P2RX1: variants seen among roughly 807,000 people sequenced by gnomAD.
P2RX1 encodes P2X purinoceptor 1.
In P2RX1, 42 loss-of-function variants were observed where a neutral mutation model predicts 50.3. The observed-to-expected ratio is 0.83, with a 90% CI of 0.65 to 1.08. P2RX1 has a LOEUF of 1.08. P2RX1 is among the 50% of genes least tolerant of loss of function. The probability of loss-of-function intolerance (pLI) is 0.00; values close to 1 mark genes in which losing one functional copy is unlikely to be tolerated. For synonymous variants in P2RX1, 199 were observed against 202.6 expected, an observed-to-expected ratio of 0.98 and a Z score of 0.15; for missense variants, 449 against 529.0, an observed-to-expected ratio of 0.85 and a Z score of 1.48.
intron 1 of P2RX1, 178 bp downstream of exon 1, chr17:3,915,911 C>T (rs2052398197): frequency 1.2e-6 from 1 of 805,302 alleles, no homozygotes; most frequent in Non-Finnish European, 2.1e-6. Context: ...CCGGCCTCGT[C>T]CCCATCTCAA....
intron 1 of P2RX1, among the ~76,000 whole-genome samples, chr17:3,912,515 GA>G (rs1366366117): frequency 3.9e-5 from 6 of 152,148 alleles, no homozygotes; most frequent in Non-Finnish European, 8.8e-5. Context: ...ATTTTTAGTA[GA>G]GATGGGTTTT....
chr17:3,900,897 A>C (rs916832575), intron 7 of P2RX1, among the ~76,000 whole-genome samples: 3 of 152,150 alleles, frequency 2.0e-5, no homozygotes, highest in Non-Finnish European at 2.9e-5. Flanking sequence ...TTGGGAAGAA[A>C]ACATTGGAGA....
At position 3,903,179 on chromosome 17, in the gene P2RX1, G is replaced by T. The variant is rs371813612; in HGVS notation, c.747+23C>A. 3 of 1,613,810 alleles carry T rather than the reference G, an allele frequency of 1.9e-6. No individual in the cohort carries two copies. The highest frequency in any genetic ancestry group is 2.5e-6 in the Non-Finnish European group (3 of 1,179,998). ...GATCCTGCGGCCCAGCCCTCCCCAC[G>T]TGCCTGGCACCATGCTCCATACCTT... is the stretch of plus-strand genomic sequence containing the variant. On this transcript the variant is annotated intron_variant, in intron 7 of 11. Coordinates refer to ENST00000225538, the MANE Select transcript of P2RX1 (RefSeq NM_002558.4). The surrounding 1 kb of genome is among the most constrained non-coding windows in gnomAD (Gnocchi z 4.6).
Position 3,899,646 on chromosome 17 carries a change from C to G in P2RX1, c.863G>C (p.Gly288Ala). 1.2e-6 allele frequency: 2 copies of G among 1,613,430 alleles called. No individual in the cohort carries two copies. The highest frequency in any genetic ancestry group is 1.7e-6 in the Non-Finnish European group (2 of 1,179,578). ...GCCTGGCAGACACCTGAAGTTGAAG[C>G]CTGGGGAGAGATTTTTCTCTTCGTA... ...GLYEEKNLSP[G>A]FNFRFARHFV... Residue 288 changes from glycine (G) to alanine (A), a missense_variant, in exon 8 of 12, where the codon GGC becomes GCC. Coordinates refer to ENST00000225538, the MANE Select transcript of P2RX1 (RefSeq NM_002558.4).
rs1167045570 is a variant in P2RX1 at position 3,903,649 on chromosome 17, C to T, written c.525-18G>A. On this transcript the variant is annotated intron_variant, in intron 5 of 11. Transcript: ENST00000225538. This position sits in a 1 kb window ranked among gnomAD's most constrained non-coding sequence, Gnocchi z 4.6. ...GGGCAGGGCTGGAGGACACCACACG[C>T]ACTCACCGCCCCTCCCCAGGAGGCC... 1 of 1,612,468 alleles carries T rather than the reference C, an allele frequency of 6.2e-7. No individual in the cohort carries two copies. Among genetic ancestry groups the T allele is most frequent in the Non-Finnish European group, 8.5e-7 (1 of 1,178,770 alleles).
In P2RX1 at chr17:3,898,248, ATGAGGCC is replaced by A; in HGVS notation, c.1033-145_1033-139del. ...TGGAGGCCAGTTTCCTGGAGGGTGGATGAGGCCCTGCAGGACTCTCAGGGGACCAAGA... is the reference window on the plus strand; with the variant it reads ...TGGAGGCCAGTTTCCTGGAGGGTGGACTGCAGGACTCTCAGGGGACCAAGA... On this transcript the variant is annotated intron_variant, in intron 10 of 11. Transcript: ENST00000225538. 4 of 818,430 alleles carry A rather than the reference ATGAGGCC, an allele frequency of 4.9e-6. No homozygotes were observed. In the South Asian group the frequency reaches 5.6e-5, roughly 12 times the overall value. The allele number at this position is 818,430 out of a possible 1,614,324, so 50.7% of individuals were successfully genotyped here. A position where few individuals can be genotyped will look rare whatever the true frequency, so the allele number is the denominator to read the frequency against.
In P2RX1 at chr17:3,897,872, C is replaced by A. The variant is rs61731001; in HGVS notation, c.1142G>T (p.Arg381Leu). 2 of 1,613,766 alleles carry A rather than the reference C, an allele frequency of 1.2e-6. No homozygotes were observed. The highest frequency in any genetic ancestry group is 2.7e-5 in the African/African-American group (2 of 74,862). Reference protein sequence around the residue: ...AEDMGPGAAERDLAATSSTLG... With the variant: ...AEDMGPGAAELDLAATSSTLG... Reference sequence around the variant, plus strand: ...GGTGGAGCTGGTAGCTGCGAGGTCACGCTCAGCCTGTGTACGTGGTGCAAG... The same window carrying A: ...GGTGGAGCTGGTAGCTGCGAGGTCAAGCTCAGCCTGTGTACGTGGTGCAAG... The change falls in exon 12 of 12, where the codon CGT (arginine) becomes CTT (leucine). Residue 381 changes from arginine (R) to leucine (L), a missense_variant. Physicochemically the swap from Arg to Leu is moderately radical, Grantham distance 102. Coordinates refer to ENST00000225538, the MANE Select transcript of P2RX1 (RefSeq NM_002558.4).
Position 3,916,243 on chromosome 17 carries a change from T to A in P2RX1, c.-18A>T. The A allele has an allele frequency of 1.2e-6, 2 of 1,612,354 alleles. No individual in the cohort carries two copies. The highest frequency in any genetic ancestry group is 1.7e-6 in the Non-Finnish European group (2 of 1,179,764). ...CGTGCCATGGTGGGCCGGCTGGGGC[T>A]CAGAACTGAGCCCCCTGCACGGCCT... On this transcript the variant is annotated 5_prime_UTR_variant, in exon 1 of 12. Coordinates refer to ENST00000225538, the MANE Select transcript of P2RX1 (RefSeq NM_002558.4).
At chr17:3,901,428 G>A (rs574995778) in intron 7 of P2RX1, among the ~76,000 whole-genome samples, 1 of 152,296 alleles carries the variant, frequency 6.6e-6, no homozygotes, top group East Asian at 1.9e-4. Context: ...TGTTGCTCCG[G>A]CATCAACCCC....
Position 3,898,380 on chromosome 17 carries a change from A to G in P2RX1, c.1032+104T>C, listed in dbSNP as rs951159275. ...GCAGCTGCTGGCTCAAAAATGATAG[A>G]CAGTTAGGGTCAAGTTTTAGGGTGA... On this transcript the variant is annotated intron_variant, in intron 10 of 11. Coordinates refer to ENST00000225538, the MANE Select transcript of P2RX1 (RefSeq NM_002558.4). 9 of 935,492 alleles carry G rather than the reference A, an allele frequency of 9.6e-6. No homozygotes were observed. In the African/African-American group the frequency reaches 1.5e-4, roughly 15 times the overall value. 57.9% of individuals were successfully genotyped at this position (935,492 alleles called of 1,614,324 possible). A position where few individuals can be genotyped will look rare whatever the true frequency, so the allele number is the denominator to read the frequency against.
intron 1 of P2RX1, 124 bp from the exon 2 acceptor site, chr17:3,905,491 G>A: frequency 8.7e-7 from 1 of 1,144,534 alleles, no homozygotes. Flanking sequence ...TCCTGTCTTG[G>A]GCTAGAGGCA....
chr17:3,901,080 T>C (rs2056129888), intron 7 of P2RX1, among the ~76,000 whole-genome samples: 1 of 151,942 alleles, frequency 6.6e-6, no homozygotes, highest in Non-Finnish European at 1.5e-5. Context: ...TTTTTTTCTT[T>C]TTTGTGAGAC....
In P2RX1 at chr17:3,897,523, C is replaced by T. The variant is rs1434669644; in HGVS notation, c.*291G>A. The T allele has an allele frequency of 5.5e-6, 3 of 541,836 alleles. No homozygotes were observed. Among genetic ancestry groups the T allele is most frequent in the Non-Finnish European group, 1.0e-5 (3 of 299,714 alleles). 33.6% of individuals were successfully genotyped at this position (541,836 alleles called of 1,614,324 possible). On this transcript the variant is annotated 3_prime_UTR_variant, in exon 12 of 12. Transcript: ENST00000225538. ...GATAATGAGAGTCCGGAGAGAGAAGCACGAAGCTAGGGTGCAGGTGTGTGG... is the reference window on the plus strand; with the variant it reads ...GATAATGAGAGTCCGGAGAGAGAAGTACGAAGCTAGGGTGCAGGTGTGTGG...
chr17:3,909,516 A>T (rs1482169639), intron 1 of P2RX1, among the ~76,000 whole-genome samples: 2 of 151,720 alleles, frequency 1.3e-5, no homozygotes, highest in African/African-American at 4.8e-5. Context: ...TCCAGACTGC[A>T]CTCTCCCCTG....
In P2RX1 at chr17:3,903,750, T is replaced by C. The variant is rs740794; in HGVS notation, c.525-119A>G. On this transcript the variant is annotated intron_variant, in intron 5 of 11. Coordinates refer to ENST00000225538, the MANE Select transcript of P2RX1 (RefSeq NM_002558.4). The surrounding 1 kb of genome is among the most constrained non-coding windows in gnomAD (Gnocchi z 4.6). ...CCGGGACCCGCCTGCAGCCCTGGGC[T>C]GGTGGAGGGGTGGGTGTGCTCTAGC... The C allele has an allele frequency of 0.44, 522,453 of 1,183,982 alleles. 121,495 individuals are homozygous for C. The highest frequency in any genetic ancestry group is 0.67 in the East Asian group (27,864 of 41,690). 73.3% of individuals were successfully genotyped at this position (1,183,982 alleles called of 1,614,324 possible).
rs765521009 is a variant in P2RX1 at position 3,903,618 on chromosome 17, G to A, written c.538C>T (p.Arg180Ter). 1.2e-5 allele frequency: 19 copies of A among 1,613,930 alleles called. No homozygotes were observed. The highest frequency in any genetic ancestry group is 3.3e-4 in the Middle Eastern group (2 of 6,062). The part of the protein sequence containing the change: ...DDDIPRPALL[R>*]EAENFTLFIK... ...AAAAGAGTGAAGTTCTCGGCCTCTC[G>A]GAGAAGGGCAGGGCTGGAGGACACC... Residue 180 changes from arginine to a stop codon, truncating the protein, a stop_gained, in exon 6 of 12, where the codon CGA (arginine) becomes TGA (stop). Coordinates refer to ENST00000225538, the MANE Select transcript of P2RX1 (RefSeq NM_002558.4). LOFTEE classifies it high-confidence loss of function. The surrounding 1 kb of genome is among the most constrained non-coding windows in gnomAD (Gnocchi z 4.6).
chr17:3,899,406 G>C (rs986598678), intron 8 of P2RX1, among the ~76,000 whole-genome samples: 9 of 150,376 alleles, frequency 6.0e-5, no homozygotes, highest in African/African-American at 2.0e-4. Context: ...TCCCCAGCTA[G>C]TCCTGGCCAG....
At chr17:3,915,708 T>C (rs11078475) in intron 1 of P2RX1, 247,537 of 471,866 alleles carry the variant, frequency 0.52, 69,869 homozygotes, top group East Asian at 0.83. Flanking sequence ...GGGTGTGGGG[T>C]ATGGCCTCTG....
rs1455770406 is a variant in P2RX1 at position 3,896,705 on chromosome 17, G to C, written c.*1109C>G. 6.6e-6 allele frequency: 1 copy of C among 152,292 alleles called. No homozygotes were observed. Among genetic ancestry groups the C allele is most frequent in the Non-Finnish European group, 1.5e-5 (1 of 68,080 alleles). The allele number at this position is 152,292 out of a possible 1,614,324, so 9.4% of individuals were successfully genotyped here. ...GCTGAGCCACAGGCAGGGAGCCCAG[G>C]ATTTGGCTGGGGCTCCCACCCCAAC... On this transcript the variant is annotated 3_prime_UTR_variant, in exon 12 of 12. Transcript: ENST00000225538.
Sources: gnomAD v4.1 joint callset for allele counts (sites outside exome capture counted in the v4.1 genomes callset) on GRCh38, gnomAD v4.1.1 for gene constraint, Gnocchi (gnomAD v3.1) non-coding constraint, MANE v1.5 for transcripts, NCBI Gene and HGNC (gene_info 2026-07-23, HGNC 2026-07-21) for gene names.